The following ERBB4 variants were observed in gnomAD, a reference collection of about 807,000 sequenced individuals.
ERBB4 encodes the protein receptor tyrosine-protein kinase erbB-4.
A neutral mutation model predicts 158.0 loss-of-function variants in ERBB4; 42 were observed. The observed-to-expected ratio is 0.27, with a 90% CI of 0.21 to 0.34. ERBB4 has a LOEUF of 0.34. Among genes scored for constraint, ERBB4 ranks in the 10% least tolerant of loss-of-function variants. The pLI is 1.00. For missense variants in ERBB4, 1,333 were observed against 1,624.1 expected (o/e 0.82, Z 3.08); for synonymous variants, 583 against 558.7 (o/e 1.04, Z -0.61).
intron 3 of ERBB4, among the ~76,000 whole-genome samples, chr2:211,837,434 A>G (rs1447140546): frequency 6.6e-6 from 1 of 152,128 alleles, no homozygotes; most frequent in East Asian, 1.9e-4. Context: ...GGCTTAATCT[A>G]AAGCATAGAG....
At chr2:212,515,702 A>T (rs1223067987) in intron 1 of ERBB4, among the ~76,000 whole-genome samples, 1 of 152,024 alleles carries the variant, frequency 6.6e-6, no homozygotes, top group Non-Finnish European at 1.5e-5. Flanking sequence ...TAAATTTTAA[A>T]AAAACAAAAA....
intron 1 of ERBB4, among the ~76,000 whole-genome samples, chr2:212,355,035 A>T (rs11891159): frequency 0.19 from 28,423 of 151,972 alleles, 3,003 homozygotes; most frequent in South Asian, 0.3. Context: ...TGCATATTTT[A>T]AGATTATTGT....
At chr2:212,442,293 T>G (rs1322481322) in intron 1 of ERBB4, among the ~76,000 whole-genome samples, 1 of 152,110 alleles carries the variant, frequency 6.6e-6, no homozygotes, top group Non-Finnish European at 1.5e-5. Flanking sequence ...CTCAACAAAT[T>G]TCCATACTTC....
rs113081623 is a variant in ERBB4 at position 211,705,198 on chromosome 2, C to T, written c.1198+120G>A. The T allele has an allele frequency of 2.5e-3, 1,883 of 743,244 alleles. 35 individuals carry two copies. The African/African-American group carries it at 0.029, about 11-fold the overall frequency. 46.0% of individuals were successfully genotyped at this position (743,244 alleles called of 1,614,324 possible). A position where few individuals can be genotyped will look rare whatever the true frequency, so the allele number is the denominator to read the frequency against. On this transcript the variant is annotated intron_variant, in intron 10 of 27. Transcript: ENST00000342788. ...CCATCTCCTGACCTCATGATCCACC[C>T]GCCTCAACCTCCCTAAGTGCTGGGA... is the stretch of plus-strand genomic sequence containing the variant.
chr2:211,491,620 T>C (rs2065345358), intron 20 of ERBB4, among the ~76,000 whole-genome samples: 1 of 152,058 alleles, frequency 6.6e-6, no homozygotes, highest in Non-Finnish European at 1.5e-5. Context: ...TTGGTAATTA[T>C]GTTATAAATA....
At chr2:212,213,599 TATGTG>T (rs2083003476) in intron 1 of ERBB4, among the ~76,000 whole-genome samples, 1 of 151,920 alleles carries the variant, frequency 6.6e-6, no homozygotes, top group Non-Finnish European at 1.5e-5. Context: ...TACGTTTCCC[TATGTG>T]ATTGATATTA....
At chr2:211,638,296 A>G (rs1449834916) in intron 16 of ERBB4, among the ~76,000 whole-genome samples, 1 of 152,144 alleles carries the variant, frequency 6.6e-6, no homozygotes, top group Non-Finnish European at 1.5e-5. Context: ...TTGAAACAAG[A>G]GACCTTGAAA....
chr2:211,579,426 G>A (rs79345644), intron 19 of ERBB4, among the ~76,000 whole-genome samples: 4 of 152,210 alleles, frequency 2.6e-5, no homozygotes, highest in Admixed American at 2.0e-4. Context: ...AATACCATTT[G>A]AGCCAGCAAT....
intron 1 of ERBB4, among the ~76,000 whole-genome samples, chr2:212,278,146 G>C: frequency 6.6e-6 from 1 of 151,726 alleles, no homozygotes; most frequent in East Asian, 1.9e-4. Context: ...TAAGAAATAT[G>C]AAGGGAAACA....
At position 211,378,282 on chromosome 2, in the gene ERBB4, G is replaced by C. The variant is rs1305683693; in HGVS notation, c.*5333C>G. ...CATGTGAATACCCCCCGTGAAATTGGGGCTTAGAGTCATTTTAGCTTGTGA... is the reference window on the plus strand; with the variant it reads ...CATGTGAATACCCCCCGTGAAATTGCGGCTTAGAGTCATTTTAGCTTGTGA... On this transcript the variant is annotated 3_prime_UTR_variant, in exon 28 of 28. Transcript: ENST00000342788. 1 of 232,686 alleles carries C rather than the reference G, an allele frequency of 4.3e-6. No homozygotes were observed. Among genetic ancestry groups the C allele is most frequent in the African/African-American group, 2.2e-5 (1 of 45,280 alleles). 14.4% of individuals were successfully genotyped at this position (232,686 alleles called of 1,614,324 possible).
chr2:211,388,724 T>C (rs2062739623), intron 25 of ERBB4, among the ~76,000 whole-genome samples: 1 of 152,172 alleles, frequency 6.6e-6, no homozygotes, highest in African/African-American at 2.4e-5. Context: ...TGTATTTTTA[T>C]AGCTTAACGC....
At chr2:212,491,656 T>C (rs575484436) in intron 1 of ERBB4, among the ~76,000 whole-genome samples, 213 of 151,700 alleles carry the variant, frequency 1.4e-3, no homozygotes, top group African/African-American at 4.7e-3. Context: ...GTCTAGAATT[T>C]TCTTCTTTCA....
rs544646473 is a variant in ERBB4 at position 211,884,948 on chromosome 2, T to C, written c.421+62482A>G. Among the ~76,000 whole-genome samples, 12 of 152,260 alleles carry C rather than the reference T, an allele frequency of 7.9e-5. 1 individual carries two copies. In the East Asian group the frequency reaches 1.2e-3, roughly 15 times the overall value. Reference sequence around the variant, plus strand: ...TCTCTTTTTTTCTGAAAAATAAAAATAGATATTTATGTCTGGAAACCTGAA... The same window carrying C: ...TCTCTTTTTTTCTGAAAAATAAAAACAGATATTTATGTCTGGAAACCTGAA... On this transcript the variant is annotated intron_variant, in intron 3 of 27. Transcript: ENST00000342788.
chr2:211,918,807 T>C (rs2079775163), intron 3 of ERBB4, among the ~76,000 whole-genome samples: 1 of 152,172 alleles, frequency 6.6e-6, no homozygotes, highest in Non-Finnish European at 1.5e-5. Flanking sequence ...TGGTGGAGAA[T>C]ATTTTTGCCT....
chr2:211,870,068 T>C (rs1056905589), intron 3 of ERBB4, among the ~76,000 whole-genome samples: 1 of 152,180 alleles, frequency 6.6e-6, no homozygotes, highest in Non-Finnish European at 1.5e-5. Flanking sequence ...CTCCAATTGT[T>C]TCCTTCTTCC....
intron 14 of ERBB4, among the ~76,000 whole-genome samples, chr2:211,672,805 A>T (rs959772065): frequency 5.1e-4 from 78 of 152,270 alleles, no homozygotes; most frequent in African/African-American, 1.9e-3. Context: ...CAAAGACAGA[A>T]TTAGTTTTTC....
intron 20 of ERBB4, among the ~76,000 whole-genome samples, chr2:211,491,700 G>A (rs2065347718): frequency 1.3e-5 from 2 of 151,950 alleles, no homozygotes; most frequent in African/African-American, 4.8e-5. Context: ...CCTTTAGAAA[G>A]TAAACTGAAT....
At chr2:212,247,691 C>T (rs541883891) in intron 1 of ERBB4, among the ~76,000 whole-genome samples, 43 of 152,258 alleles carry the variant, frequency 2.8e-4, no homozygotes, top group African/African-American at 9.6e-4. Context: ...AGGCCGGGAG[C>T]GGTGGCTCAT....
intron 1 of ERBB4, among the ~76,000 whole-genome samples, chr2:212,180,793 G>A (rs1575758683): frequency 6.6e-6 from 1 of 151,722 alleles, no homozygotes; most frequent in East Asian, 1.9e-4. Flanking sequence ...AAATTCAACT[G>A]TATGTTTCCT....
Sources: gnomAD v4.1 joint callset for allele counts (sites outside exome capture counted in the v4.1 genomes callset) on GRCh38, gnomAD v4.1.1 for gene constraint, MANE v1.5 for transcripts, NCBI Gene and HGNC (gene_info 2026-07-23, HGNC 2026-07-21) for gene names.